TMOD1: variants seen among roughly 807,000 people sequenced by gnomAD.
TMOD1 encodes tropomodulin-1.
Under a neutral mutation model 40.6 loss-of-function variants are expected in TMOD1, and 17 were observed. The observed-to-expected ratio is 0.42, with a 90% CI of 0.29 to 0.63. The LOEUF (loss-of-function observed/expected upper bound fraction) is 0.63. Among genes scored for constraint, TMOD1 ranks in the 20% least tolerant of loss-of-function variants. TMOD1 has a pLI of 0.22. For missense variants in TMOD1, 391 were observed against 447.6 expected, an observed-to-expected ratio of 0.87 and a Z score of 1.14; for synonymous variants, 181 against 175.0, an observed-to-expected ratio of 1.03 and a Z score of -0.27.
intron 6 of TMOD1, 22 bp downstream of exon 6, chr9:97,564,190 T>G (rs1436623596): frequency 1.8e-5 from 29 of 1,568,060 alleles, no homozygotes; most frequent in Non-Finnish European, 2.5e-5. Flanking sequence ...TTATTTCACT[T>G]TACCTGTGTG....
chr9:97,530,221 A>C (rs1393010882), intron 2 of TMOD1, among the ~76,000 whole-genome samples: 1 of 152,240 alleles, frequency 6.6e-6, no homozygotes, highest in Non-Finnish European at 1.5e-5. Context: ...CACCAACACA[A>C]GGAATTTAAC....
intron 4 of TMOD1, among the ~76,000 whole-genome samples, chr9:97,555,881 T>G (rs1305187844): frequency 1.3e-5 from 2 of 152,144 alleles, no homozygotes; most frequent in African/African-American, 4.8e-5. Context: ...ATGTGCAGCA[T>G]CATCACCCAG....
intron 1 of TMOD1, among the ~76,000 whole-genome samples, chr9:97,511,505 C>T (rs991355948): frequency 2.0e-5 from 3 of 152,220 alleles, no homozygotes; most frequent in South Asian, 2.1e-4. Flanking sequence ...GCTCTGCCAT[C>T]GCTGCTCACA....
Position 97,600,569 on chromosome 9 carries a change from A to G in TMOD1, c.*871A>G. ...AATGGCTTATGTGAGGTAAGACACT[A>G]GAGGGATAAATTTCCAGATCAACAT... On this transcript the variant is annotated 3_prime_UTR_variant, in exon 10 of 10. Transcript: ENST00000259365. 1.0e-6 allele frequency: 1 copy of G among 986,406 alleles called. No individual in the cohort carries two copies. Among genetic ancestry groups the G allele is most frequent in the Non-Finnish European group, 1.2e-6 (1 of 830,654 alleles). 61.1% of individuals were successfully genotyped at this position (986,406 alleles called of 1,614,324 possible). A position where few individuals can be genotyped will look rare whatever the true frequency, so the allele number is the denominator to read the frequency against.
rs867119933 is a variant in TMOD1 at position 97,588,747 on chromosome 9, G to T, written c.871-2544G>T. ...TAGGTCTTATTTAATGTATTTCAGT[G>T]TTGTTTTGTAGTTTTCAATATATAA... On this transcript the variant is annotated intron_variant, in intron 8 of 9. Transcript: ENST00000259365. 7.2e-5 allele frequency among the ~76,000 whole-genome samples: 11 copies of T among 152,086 alleles called. No individual in the cohort carries two copies. The South Asian group carries it at 1.0e-3, about 14-fold the overall frequency.
In TMOD1 at chr9:97,599,997, G is replaced by C; in HGVS notation, c.*299G>C. ...TTCCAGCAGCAGCGACTTAGCCCCA[G>C]GAGCCCAGTTTCAATGGCCTTGCTG... On this transcript the variant is annotated 3_prime_UTR_variant, in exon 10 of 10. Transcript: ENST00000259365. The C allele has an allele frequency of 7.6e-6, 9 of 1,178,254 alleles. No individual in the cohort carries two copies. Among genetic ancestry groups the C allele is most frequent in the Non-Finnish European group, 9.5e-6 (9 of 944,098 alleles). The allele number at this position is 1,178,254 out of a possible 1,614,324, so 73.0% of individuals were successfully genotyped here.
intron 2 of TMOD1, among the ~76,000 whole-genome samples, chr9:97,540,204 A>T (rs1830256971): frequency 6.6e-6 from 1 of 152,148 alleles, no homozygotes; most frequent in East Asian, 1.9e-4. Flanking sequence ...AATACCACAG[A>T]CTAGGTGGCT....
intron 9 of TMOD1, among the ~76,000 whole-genome samples, chr9:97,598,768 G>A (rs554382041): frequency 2.6e-5 from 4 of 152,270 alleles, no homozygotes; most frequent in African/African-American, 4.8e-5. Flanking sequence ...CAGGTCTACC[G>A]CCTCAGCTTG....
intron 2 of TMOD1, 69 bp from the exon 3 acceptor site, chr9:97,546,116 C>T: frequency 6.6e-7 from 1 of 1,517,790 alleles, no homozygotes; most frequent in Non-Finnish European, 8.8e-7. Context: ...AAGTCTTCAG[C>T]AGCTGACCAC....
intron 9 of TMOD1, among the ~76,000 whole-genome samples, chr9:97,594,029 G>A (rs1826053552): frequency 6.6e-6 from 1 of 152,108 alleles, no homozygotes; most frequent in Non-Finnish European, 1.5e-5. Context: ...TAGGTGTTTG[G>A]GTGGCTGCAG....
chr9:97,540,127 T>C, intron 2 of TMOD1, among the ~76,000 whole-genome samples: 1 of 152,166 alleles, frequency 6.6e-6, no homozygotes, highest in Non-Finnish European at 1.5e-5. Context: ...TCATGCCCAT[T>C]AGCTGTCACT....
intron 1 of TMOD1, among the ~76,000 whole-genome samples, chr9:97,510,985 C>G (rs1017846186): frequency 1.3e-5 from 2 of 151,976 alleles, no homozygotes; most frequent in Non-Finnish European, 2.9e-5. Context: ...TTCCTGGAAC[C>G]CTGTTGCTTA....
At chr9:97,590,448 A>G (rs112046570) in intron 8 of TMOD1, among the ~76,000 whole-genome samples, 1 of 151,786 alleles carries the variant, frequency 6.6e-6, no homozygotes, top group African/African-American at 2.4e-5. Context: ...GTGGTCTCGA[A>G]CTCCTTAGCT....
Position 97,553,293 on chromosome 9 carries a change from T to C in TMOD1, c.290T>C (p.Val97Ala), listed in dbSNP as rs983828265. The part of the protein sequence containing the change: ...YTGEKRGKVW[V>A]PKQKPLDPVL... ...TGTGTGTTTGCAGGAAAGGTCTGGG[T>C]TCCTAAGCAGAAGCCACTGGATCCT... is the stretch of plus-strand genomic sequence containing the variant. The change falls in exon 4 of 10, where the codon GTT becomes GCT. Residue 97 changes from valine to alanine, a missense_variant. Val to Ala is a moderately conservative substitution (Grantham distance 64). Transcript: ENST00000259365. 1 of 1,614,054 alleles carries C rather than the reference T, an allele frequency of 6.2e-7. No homozygotes were observed. The highest frequency in any genetic ancestry group is 8.5e-7 in the Non-Finnish European group (1 of 1,180,022).
intron 2 of TMOD1, among the ~76,000 whole-genome samples, chr9:97,544,360 AC>A (rs1830325066): frequency 6.6e-6 from 1 of 152,064 alleles, no homozygotes; most frequent in African/African-American, 2.4e-5. Context: ...ATATGGTGAA[AC>A]CCTGTCTTTA....
intron 4 of TMOD1, among the ~76,000 whole-genome samples, chr9:97,558,185 G>T (rs1361883944): frequency 6.6e-6 from 1 of 152,062 alleles, no homozygotes; most frequent in Non-Finnish European, 1.5e-5. Context: ...CTGCAAAATG[G>T]TTTTATTTCT....
Position 97,575,993 on chromosome 9 carries a change from C to T in TMOD1, c.870+6956C>T, listed in dbSNP as rs926968467. On this transcript the variant is annotated intron_variant, in intron 8 of 9. Coordinates refer to ENST00000259365, the MANE Select transcript of TMOD1 (RefSeq NM_003275.4). ...ATTTCCGTAGGAAGCCTGAGGAATA[C>T]CCCCTCCCTCCCCTGCCACTGCCAC... Among the ~76,000 whole-genome samples, 6 of 152,122 alleles carry T rather than the reference C, an allele frequency of 3.9e-5. No individual in the cohort carries two copies. In the South Asian group the frequency reaches 1.2e-3, roughly 31 times the overall value.
chr9:97,546,017 C>T (rs1261928181), intron 2 of TMOD1, among the ~76,000 whole-genome samples, 168 bp from the exon 3 acceptor site: 1 of 152,176 alleles, frequency 6.6e-6, no homozygotes, highest in Non-Finnish European at 1.5e-5. Context: ...CCTGGGGTTT[C>T]AGATTCCTTA....
At chr9:97,526,335 T>A (rs1326134392) in intron 2 of TMOD1, among the ~76,000 whole-genome samples, 1 of 152,154 alleles carries the variant, frequency 6.6e-6, no homozygotes, top group Non-Finnish European at 1.5e-5. Flanking sequence ...GGGTACACAG[T>A]GTCAAGAGTC....
Sources: gnomAD v4.1 joint callset for allele counts (sites outside exome capture counted in the v4.1 genomes callset) on GRCh38, gnomAD v4.1.1 for gene constraint, MANE v1.5 for transcripts, NCBI Gene and HGNC (gene_info 2026-07-23, HGNC 2026-07-21) for gene names.